The following CHCHD3 variants were observed in gnomAD, a reference collection of about 807,000 sequenced individuals.
The protein encoded by CHCHD3 is coiled-coil-helix-coiled-coil-helix domain containing 3, also known as MICOS complex subunit MIC19.
A neutral mutation model predicts 38.2 loss-of-function variants in CHCHD3; 20 were observed. The observed-to-expected ratio is 0.52, with a 90% CI of 0.37 to 0.76. The LOEUF (loss-of-function observed/expected upper bound fraction) is 0.76. Ranked by LOEUF, CHCHD3 falls within the 30% of genes least tolerant of loss-of-function variation. The pLI, the probability that CHCHD3 is intolerant of heterozygous loss-of-function variation, is 0.00. For synonymous variants in CHCHD3, 82 were observed against 100.0 expected (o/e 0.82, Z 1.07); for missense variants, 245 against 279.2 (o/e 0.88, Z 0.87).
intron 6 of CHCHD3, among the ~76,000 whole-genome samples, chr7:132,801,907 C>A (rs900066471): frequency 6.6e-6 from 1 of 152,154 alleles, no homozygotes. Context: ...GGGAACGTGA[C>A]CTGGAGGGCA....
chr7:132,996,058 G>A (rs1257058935), intron 3 of CHCHD3, among the ~76,000 whole-genome samples: 1 of 152,128 alleles, frequency 6.6e-6, no homozygotes, highest in East Asian at 1.9e-4. Flanking sequence ...GTGCTGGAAT[G>A]TGTATTCTAG....
In CHCHD3 at chr7:133,038,742, T is replaced by C. The variant is rs565791280; in HGVS notation, c.170-14115A>G. On this transcript the variant is annotated intron_variant, in intron 2 of 7. Coordinates refer to ENST00000262570, the MANE Select transcript of CHCHD3 (RefSeq NM_017812.4). ...TGCAACAAATACCCCGCAACATTAA[T>C]AGCAAAGTTCTATAGAGATCCACTT... 6.1e-4 allele frequency among the ~76,000 whole-genome samples: 93 copies of C among 152,336 alleles called. 1 individual carries two copies. The highest frequency in any genetic ancestry group is 1.1e-3 in the Non-Finnish European group (74 of 68,034).
chr7:132,849,855 C>G (rs1329405368), intron 5 of CHCHD3, among the ~76,000 whole-genome samples: 1 of 152,132 alleles, frequency 6.6e-6, no homozygotes, highest in African/African-American at 2.4e-5. Context: ...CCTTAAAGAG[C>G]AAAAGCCTGT....
chr7:132,844,219 A>G (rs1808014330), intron 5 of CHCHD3, among the ~76,000 whole-genome samples: 2 of 152,040 alleles, frequency 1.3e-5, no homozygotes, highest in East Asian at 3.9e-4. Context: ...AATTGCTTGA[A>G]CCCAGGAGTC....
chr7:132,854,554 C>G (rs538043551), intron 5 of CHCHD3, among the ~76,000 whole-genome samples: 2 of 152,130 alleles, frequency 1.3e-5, no homozygotes, highest in African/African-American at 4.8e-5. Context: ...AAGGTCAATA[C>G]AGATGAGAGA....
At chr7:132,851,836 T>A (rs1001059090) in intron 5 of CHCHD3, among the ~76,000 whole-genome samples, 2 of 152,240 alleles carry the variant, frequency 1.3e-5, no homozygotes, top group African/African-American at 4.8e-5. Context: ...GATGGCTTTA[T>A]ACAGAACGTG....
intron 4 of CHCHD3, chr7:132,972,901 C>A (rs1262204068): frequency 3.0e-6 from 3 of 985,286 alleles, no homozygotes; most frequent in Non-Finnish European, 3.6e-6. Context: ...TCACCAGCTA[C>A]ACAAAGCAGT....
At chr7:132,986,755 A>G (rs1010320368) in intron 3 of CHCHD3, among the ~76,000 whole-genome samples, 1 of 152,246 alleles carries the variant, frequency 6.6e-6, no homozygotes. Flanking sequence ...TCTAGAAAAT[A>G]AATGGCATGA....
At chr7:132,817,406 G>C (rs1362765461) in intron 6 of CHCHD3, among the ~76,000 whole-genome samples, 1 of 151,842 alleles carries the variant, frequency 6.6e-6, no homozygotes, top group Non-Finnish European at 1.5e-5. Context: ...TTATATCAAA[G>C]TGCATTGAGA....
At chr7:132,974,074 A>C (rs778123818) in intron 4 of CHCHD3, 10 of 1,230,218 alleles carry the variant, frequency 8.1e-6, no homozygotes, top group Non-Finnish European at 1.0e-5. Context: ...TGAATACAAA[A>C]GGCAGAACAT....
rs753504672 is a variant in CHCHD3, at chr7:132,988,284, T to TAC, written c.252-13000_252-12999dup. On this transcript the variant is annotated intron_variant, in intron 3 of 7. Transcript: ENST00000262570. Reference sequence around the variant, plus strand: ...TCAGAGCCTGCATTCTTACAGAAAATACACACACACACACACCCACACACA... The same window carrying TAC: ...TCAGAGCCTGCATTCTTACAGAAAATACACACACACACACACACCCACACACA... Among the ~76,000 whole-genome samples, 624 of 142,250 alleles carry TAC rather than the reference T, an allele frequency of 4.4e-3. 9 individuals carry two copies. Among genetic ancestry groups the TAC allele is most frequent in the Admixed American group, 0.011 (153 of 14,036 alleles). 93.3% of individuals were successfully genotyped at this position (142,250 alleles called of 152,430 possible).
chr7:132,876,000 C>G (rs894222955), intron 5 of CHCHD3, among the ~76,000 whole-genome samples: 6 of 152,202 alleles, frequency 3.9e-5, no homozygotes, highest in African/African-American at 1.4e-4. Flanking sequence ...GTAATCCTTA[C>G]AGACGCACAG....
At chr7:132,946,536 C>T (rs1285116530) in intron 4 of CHCHD3, among the ~76,000 whole-genome samples, 2 of 151,798 alleles carry the variant, frequency 1.3e-5, no homozygotes, top group Non-Finnish European at 2.9e-5. Flanking sequence ...TTTATTGTTA[C>T]AGGTCATTAA....
At chr7:132,816,664 G>C (rs143626613) in intron 6 of CHCHD3, among the ~76,000 whole-genome samples, 3 of 152,310 alleles carry the variant, frequency 2.0e-5, no homozygotes, top group African/African-American at 4.8e-5. Flanking sequence ...CCCAGCTGCT[G>C]CTGTGCCTCC....
intron 5 of CHCHD3, among the ~76,000 whole-genome samples, chr7:132,872,443 C>T (rs1808788788): frequency 6.6e-6 from 1 of 152,158 alleles, no homozygotes; most frequent in South Asian, 2.1e-4. Context: ...TTTGGCTTCG[C>T]TTGTGACTTC....
intron 6 of CHCHD3, among the ~76,000 whole-genome samples, chr7:132,837,196 T>C (rs1368650462): frequency 6.6e-6 from 1 of 152,166 alleles, no homozygotes; most frequent in Non-Finnish European, 1.5e-5. Flanking sequence ...AATAAAGAAA[T>C]ATTCGGGGAG....
At chr7:133,077,851 G>A (rs967455520) in intron 1 of CHCHD3, among the ~76,000 whole-genome samples, 1 of 151,980 alleles carries the variant, frequency 6.6e-6, no homozygotes, top group African/African-American at 2.4e-5. Flanking sequence ...TTACAGAAGA[G>A]GGAAGAAAAG....
intron 3 of CHCHD3, among the ~76,000 whole-genome samples, chr7:132,991,356 CTTTGT>C (rs1275245025): frequency 1.3e-5 from 2 of 152,092 alleles, no homozygotes; most frequent in African/African-American, 4.8e-5. Flanking sequence ...AAACAAATTA[CTTTGT>C]TTTAACTGCA....
At chr7:132,801,231 T>G (rs1806785039) in intron 6 of CHCHD3, among the ~76,000 whole-genome samples, 1 of 152,232 alleles carries the variant, frequency 6.6e-6, no homozygotes, top group Non-Finnish European at 1.5e-5. Context: ...ACTTTTTATT[T>G]TTAATTTTAC....
Sources: allele counts gnomAD v4.1 joint callset (sites outside exome capture counted in the v4.1 genomes callset), GRCh38; gene constraint gnomAD v4.1.1; transcripts MANE v1.5; gene names NCBI Gene and HGNC (gene_info 2026-07-23, HGNC 2026-07-21).